DYRK4: variants seen among roughly 807,000 people sequenced by gnomAD.
DYRK4 encodes dual specificity tyrosine-phosphorylation-regulated kinase 4.
A neutral mutation model predicts 68.3 loss-of-function variants in DYRK4; 64 were observed. The observed-to-expected ratio is 0.94, with a 90% CI of 0.77 to 1.15. The LOEUF (loss-of-function observed/expected upper bound fraction) is 1.15. DYRK4 is among the 50% of genes most tolerant of loss of function. DYRK4 has a pLI of 0.00. For missense variants in DYRK4, 740 were observed against 764.7 expected, an observed-to-expected ratio of 0.97 and a Z score of 0.38; for synonymous variants, 274 against 289.9, an observed-to-expected ratio of 0.95 and a Z score of 0.56.
chr12:4,587,258 GTGT>G (rs777494998), intron 2 of DYRK4, among the ~76,000 whole-genome samples: 1 of 152,102 alleles, frequency 6.6e-6, no homozygotes, highest in South Asian at 2.1e-4. Context: ...TGCCTGGGTG[GTGT>G]TGTTTCACTG....
intron 1 of DYRK4, among the ~76,000 whole-genome samples, chr12:4,566,527 C>T (rs573176812): frequency 6.6e-6 from 1 of 152,360 alleles, no homozygotes; most frequent in African/African-American, 2.4e-5. Flanking sequence ...ACTTAGTCAA[C>T]ACCTGGAAAC....
chr12:4,600,316 T>C (rs1000733622), intron 10 of DYRK4, among the ~76,000 whole-genome samples: 7 of 152,110 alleles, frequency 4.6e-5, no homozygotes, highest in African/African-American at 1.2e-4. Flanking sequence ...AGAGAACACG[T>C]ACCATTCAAC....
rs375650360 is a variant in DYRK4 at position 4,588,685 on chromosome 12, AT to A, written c.133-244del. Among the ~76,000 whole-genome samples the A allele has an allele frequency of 3.7e-4, 56 of 152,264 alleles. 1 individual carries two copies. In the East Asian group the frequency reaches 0.01, roughly 28 times the overall value. On this transcript the variant is annotated intron_variant, in intron 2 of 14. Transcript: ENST00000543431. ...TTTGTTGGAAGAAAAGGCCATATTG[AT>A]TTTTTTTAAAGCATGAAAACCATAG... is the stretch of plus-strand genomic sequence containing the variant.
Position 4,579,867 on chromosome 12 carries a change from G to A in DYRK4, c.133-9070G>A, listed in dbSNP as rs114672474. 7.3e-3 allele frequency among the ~76,000 whole-genome samples: 1,112 copies of A among 151,950 alleles called. 16 individuals are homozygous for A. Among genetic ancestry groups the A allele is most frequent in the African/African-American group, 0.025 (1,031 of 41,350 alleles). On this transcript the variant is annotated intron_variant, in intron 2 of 14. Transcript: ENST00000543431. ...AGTTCTTTATAATCCCTTGTCACCC[G>A]GTTTCCTGGCAGAACACAAAGAGGT...
chr12:4,595,075 T>A (rs1945001988), intron 6 of DYRK4, among the ~76,000 whole-genome samples: 1 of 152,212 alleles, frequency 6.6e-6, no homozygotes, highest in Non-Finnish European at 1.5e-5. Context: ...CAAGCACAAA[T>A]GCTAAGAAAA....
chr12:4,570,901 C>A (rs1944724217), intron 2 of DYRK4, among the ~76,000 whole-genome samples: 1 of 152,164 alleles, frequency 6.6e-6, no homozygotes, highest in South Asian at 2.1e-4. Context: ...AGGGTAAAAC[C>A]TTGATGCCAG....
chr12:4,580,738 T>C (rs1212159588), intron 2 of DYRK4: 3 of 439,464 alleles, frequency 6.8e-6, no homozygotes, highest in Admixed American at 2.6e-5. Context: ...GAAGAAGTTG[T>C]GAGCTGATAT....
At chr12:4,568,179 A>G in intron 2 of DYRK4, 131 bp downstream of exon 2, 1 of 845,340 alleles carries the variant, frequency 1.2e-6, no homozygotes. Flanking sequence ...GTGGAGGATC[A>G]TGCTGATTGG....
chr12:4,603,079 G>A (rs576393570), intron 10 of DYRK4: 3 of 1,293,914 alleles, frequency 2.3e-6, no homozygotes, highest in Non-Finnish European at 3.3e-6. Flanking sequence ...CCTCCTCCAA[G>A]TCTTTCTGGC....
chr12:4,600,874 G>A (rs1945073720), intron 10 of DYRK4, among the ~76,000 whole-genome samples: 1 of 151,962 alleles, frequency 6.6e-6, no homozygotes, highest in South Asian at 2.1e-4. Flanking sequence ...CTAGAAGAAA[G>A]GAGTTAGAAC....
In DYRK4 at chr12:4,591,384, G is replaced by A; in HGVS notation, c.463+86G>A. On this transcript the variant is annotated intron_variant, in intron 5 of 14. Transcript: ENST00000543431. This position sits in a 1 kb window ranked among gnomAD's most constrained non-coding sequence, Gnocchi z 4.1. The stretch of plus-strand genomic sequence containing the variant: ...GCTAAGCTGCGCTGGAGTGAGCTAA[G>A]CTGCCAGGTGTCAGAGTAGTCAAAG... 6.6e-7 allele frequency: 1 copy of A among 1,523,792 alleles called. No individual in the cohort carries two copies. The highest frequency in any genetic ancestry group is 2.3e-5 in the East Asian group (1 of 44,076). 94.4% of individuals were successfully genotyped at this position (1,523,792 alleles called of 1,614,324 possible). A position where few individuals can be genotyped will look rare whatever the true frequency, so the allele number is the denominator to read the frequency against.
At position 4,596,234 on chromosome 12, in the gene DYRK4, A is replaced by G. The variant is rs1945016396; in HGVS notation, c.713A>G (p.Asp238Gly). Residue 238 changes from aspartate to glycine, a missense_variant, in exon 7 of 15, where the codon GAT (aspartate) becomes GGT (glycine). By Grantham distance (94) the Asp-to-Gly change is moderately conservative. Coordinates refer to ENST00000543431, the MANE Select transcript of DYRK4 (RefSeq NM_001394779.1). ...TTTGGACAGGTGGCCAAGTGCTTGG[A>G]TCACAAAAACAATGAGCTGGTGGCC... Reference protein sequence around the residue: ...GSFGQVAKCLDHKNNELVALK... With the variant: ...GSFGQVAKCLGHKNNELVALK... 1.9e-6 allele frequency: 3 copies of G among 1,614,178 alleles called. No homozygotes were observed. In the East Asian group the frequency reaches 6.7e-5, roughly 36 times the overall value.
At chr12:4,587,699 C>A (rs1380534715) in intron 2 of DYRK4, among the ~76,000 whole-genome samples, 2 of 152,224 alleles carry the variant, frequency 1.3e-5, no homozygotes, top group African/African-American at 4.8e-5. Context: ...CCCTCTCTCC[C>A]TCAGACTACC....
chr12:4,603,508 C>T (rs939571931), intron 10 of DYRK4: 2 of 237,454 alleles, frequency 8.4e-6, no homozygotes, highest in African/African-American at 2.2e-5. Context: ...TAAAATGCGG[C>T]GGCTGGGGTC....
At position 4,605,014 on chromosome 12, in the gene DYRK4, G is replaced by A. The variant is rs1311081142; in HGVS notation, c.1227G>A (p.Thr409=). 1 of 1,614,048 alleles carries A rather than the reference G, an allele frequency of 6.2e-7. No homozygotes were observed. Among genetic ancestry groups the A allele is most frequent in the Non-Finnish European group, 8.5e-7 (1 of 1,179,954 alleles). ...AIDMWSLGCI[T]AELYTGYPLF... ...ACATGTGGAGCCTGGGCTGCATCAC[G>A]GCGGAGTTGTACACGGGCTACCCCC... Residue 409 remains threonine, a synonymous_variant, in exon 11 of 15, where the codon ACG becomes ACA. Coordinates refer to ENST00000543431, the MANE Select transcript of DYRK4 (RefSeq NM_001394779.1).
chr12:4,590,228 C>T, intron 3 of DYRK4, 102 bp from the exon 4 acceptor site: 1 of 1,451,834 alleles, frequency 6.9e-7, no homozygotes, highest in Non-Finnish European at 9.0e-7. Context: ...GGGTTAGGCT[C>T]ATTCTTGTTG....
In DYRK4 at chr12:4,613,689, C is replaced by T. The variant is rs1374770756; in HGVS notation, c.1841C>T (p.Thr614Ile). 3 of 1,612,554 alleles carry T rather than the reference C, an allele frequency of 1.9e-6. No individual in the cohort carries two copies. The highest frequency in any genetic ancestry group is 1.7e-5 in the Admixed American group (1 of 59,966). ...GCTGTCGGGGCGGAGGTGTCCATGACCTCCCCAGGACAGAGCAAAAACTTC... is the reference window on the plus strand; with the variant it reads ...GCTGTCGGGGCGGAGGTGTCCATGATCTCCCCAGGACAGAGCAAAAACTTC... ...EAAVGAEVSMTSPGQSKNFSL... is the reference protein window; with the variant it reads ...EAAVGAEVSMISPGQSKNFSL... Residue 614 changes from threonine (T) to isoleucine (I), a missense_variant, in exon 15 of 15, where the codon ACC (threonine) becomes ATC (isoleucine). Coordinates refer to ENST00000543431, the MANE Select transcript of DYRK4 (RefSeq NM_001394779.1). This position sits in a 1 kb window ranked among gnomAD's most constrained non-coding sequence, Gnocchi z 4.0.
At chr12:4,573,441 T>C (rs1041354326) in intron 2 of DYRK4, 161 of 1,269,148 alleles carry the variant, frequency 1.3e-4, no homozygotes, top group Non-Finnish European at 1.6e-4. Flanking sequence ...TGAAATTACC[T>C]TTGGTTTCTG....
intron 13 of DYRK4, among the ~76,000 whole-genome samples, chr12:4,611,319 C>A (rs1157819864): frequency 6.6e-6 from 1 of 152,138 alleles, no homozygotes; most frequent in Non-Finnish European, 1.5e-5. Flanking sequence ...CCTACCTTAA[C>A]AAATGACAGA....
Sources: gnomAD v4.1 joint callset for allele counts (sites outside exome capture counted in the v4.1 genomes callset) on GRCh38, gnomAD v4.1.1 for gene constraint, Gnocchi (gnomAD v3.1) non-coding constraint, MANE v1.5 for transcripts, NCBI Gene and HGNC (gene_info 2026-07-23, HGNC 2026-07-21) for gene names.